Variants in MAP2 observed in about 807,000 individuals in gnomAD.
The protein encoded by MAP2 is microtubule-associated protein 2.
A neutral mutation model predicts 137.6 loss-of-function variants in MAP2; 14 were observed. The observed-to-expected ratio is 0.10, with a 90% CI of 0.07 to 0.16. The LOEUF is 0.16. Among genes scored for constraint, MAP2 ranks in the 10% least tolerant of loss-of-function variants. The pLI, the probability that MAP2 is intolerant of heterozygous loss-of-function variation, is 1.00. For missense variants in MAP2, 2,088 were observed against 2,191.5 expected, an observed-to-expected ratio of 0.95 and a Z score of 0.94; for synonymous variants, 786 against 782.3, an observed-to-expected ratio of 1.00 and a Z score of -0.08.
Position 209,535,240 on chromosome 2 carries a change from G to T in MAP2, c.-172+27599G>T, listed in dbSNP as rs555178674. Among the ~76,000 whole-genome samples, 3 of 152,288 alleles carry T rather than the reference G, an allele frequency of 2.0e-5. No individual in the cohort carries two copies. The Middle Eastern group carries it at 0.01, about 518-fold the overall frequency. ...TAACGTGTTTTCAAGATTCATCCAA[G>T]TTGTGTCATGTGCTCAATTTGTTCT... On this transcript the variant is annotated intron_variant, in intron 2 of 15. Coordinates refer to ENST00000682079, the MANE Select transcript of MAP2 (RefSeq NM_001375505.1).
intron 3 of MAP2, among the ~76,000 whole-genome samples, chr2:209,594,073 A>G (rs1019625288): frequency 6.9e-6 from 1 of 144,810 alleles, no homozygotes; most frequent in Non-Finnish European, 1.5e-5. Context: ...ACTGGAGCCC[A>G]GGAGTTCAAG....
At chr2:209,493,550 C>G (rs2059388022) in intron 1 of MAP2, among the ~76,000 whole-genome samples, 1 of 152,124 alleles carries the variant, frequency 6.6e-6, no homozygotes, top group African/African-American at 2.4e-5. Flanking sequence ...TGACAAAGGG[C>G]TAATATCCAG....
At chr2:209,495,651 T>C (rs531221844) in intron 1 of MAP2, among the ~76,000 whole-genome samples, 2 of 152,356 alleles carry the variant, frequency 1.3e-5, no homozygotes, top group South Asian at 4.1e-4. Flanking sequence ...TCAATCTTTA[T>C]AAGCTTAGTT....
At chr2:209,531,813 T>C (rs2065151814) in intron 2 of MAP2, among the ~76,000 whole-genome samples, 2 of 152,196 alleles carry the variant, frequency 1.3e-5, no homozygotes, top group Admixed American at 6.6e-5. Flanking sequence ...TTGACCAAAT[T>C]AGGGTGCTCT....
intron 3 of MAP2, among the ~76,000 whole-genome samples, chr2:209,594,178 G>A (rs2080586811): frequency 6.7e-6 from 1 of 148,804 alleles, no homozygotes; most frequent in African/African-American, 2.5e-5. Flanking sequence ...AGGGAGTATG[G>A]AGCAACAGCT....
chr2:209,580,870 C>A (rs1253462937), intron 3 of MAP2, among the ~76,000 whole-genome samples: 1 of 152,068 alleles, frequency 6.6e-6, no homozygotes, highest in Non-Finnish European at 1.5e-5. Context: ...AACTTTAATA[C>A]CTGTTAATAT....
chr2:209,495,616 TAACA>T (rs1338414349), intron 1 of MAP2, among the ~76,000 whole-genome samples: 1 of 152,208 alleles, frequency 6.6e-6, no homozygotes, highest in Non-Finnish European at 1.5e-5. Context: ...GAAGGAAAAC[TAACA>T]AACAGAAAGG....
At chr2:209,604,047 T>C (rs937723662) in intron 3 of MAP2, among the ~76,000 whole-genome samples, 3 of 152,168 alleles carry the variant, frequency 2.0e-5, no homozygotes, top group Non-Finnish European at 4.4e-5. Context: ...TTTTGCATCC[T>C]GTGTGTATTC....
intron 4 of MAP2, among the ~76,000 whole-genome samples, chr2:209,644,371 A>G (rs895786093): frequency 6.6e-6 from 1 of 152,024 alleles, no homozygotes; most frequent in Non-Finnish European, 1.5e-5. Context: ...ACTTGGTGTT[A>G]TTTTTCATAT....
intron 2 of MAP2, among the ~76,000 whole-genome samples, chr2:209,520,393 A>G (rs2063109883): frequency 1.3e-5 from 2 of 152,032 alleles, no homozygotes; most frequent in Non-Finnish European, 2.9e-5. Context: ...AACAGCATAA[A>G]ATGCATATTT....
intron 4 of MAP2, among the ~76,000 whole-genome samples, chr2:209,649,647 C>T (rs1474690990): frequency 1.3e-5 from 2 of 152,136 alleles, no homozygotes; most frequent in African/African-American, 2.4e-5. Context: ...TTGTCAGAGC[C>T]ATGCTATTTT....
At chr2:209,639,999 G>C (rs991381249) in intron 4 of MAP2, among the ~76,000 whole-genome samples, 2 of 152,054 alleles carry the variant, frequency 1.3e-5, no homozygotes, top group African/African-American at 4.8e-5. Flanking sequence ...TTTCTAGAAA[G>C]TGTTGCCTAG....
chr2:209,709,790 A>G, intron 12 of MAP2, 124 bp from the exon 13 acceptor site: 2 of 709,700 alleles, frequency 2.8e-6, no homozygotes, highest in South Asian at 1.9e-5. Context: ...TACTATAGTG[A>G]TAACTGTTTC....
intron 2 of MAP2, among the ~76,000 whole-genome samples, chr2:209,532,961 C>G (rs2065355489): frequency 1.3e-5 from 2 of 152,110 alleles, no homozygotes; most frequent in Admixed American, 6.5e-5. Flanking sequence ...GCTCCCCTGA[C>G]AGAAGCATTC....
At chr2:209,505,002 C>A (rs1027603141) in intron 1 of MAP2, among the ~76,000 whole-genome samples, 32 of 152,138 alleles carry the variant, frequency 2.1e-4, no homozygotes, top group African/African-American at 7.2e-4. Flanking sequence ...TTCCCACTCT[C>A]CTAGCATTTT....
rs563131010 is a variant in MAP2 at position 209,499,333 on chromosome 2, G to C, written c.-221-8259G>C. 7.2e-5 allele frequency among the ~76,000 whole-genome samples: 11 copies of C among 152,230 alleles called. 1 individual carries two copies. The highest frequency in any genetic ancestry group is 2.6e-4 in the African/African-American group (11 of 41,542). On this transcript the variant is annotated intron_variant, in intron 1 of 15. Transcript: ENST00000682079. Reference sequence around the variant, plus strand: ...CCCAGTAAGTTCCTCATTTCCATCAGAGACCTCATCAGCCTGGATTTTGCT... The same window carrying C: ...CCCAGTAAGTTCCTCATTTCCATCACAGACCTCATCAGCCTGGATTTTGCT...
At chr2:209,525,399 A>C in intron 2 of MAP2, among the ~76,000 whole-genome samples, 1 of 152,184 alleles carries the variant, frequency 6.6e-6, no homozygotes, top group African/African-American at 2.4e-5. Flanking sequence ...TAATAAAAGT[A>C]AGTTGTAATG....
intron 2 of MAP2, among the ~76,000 whole-genome samples, chr2:209,548,784 T>C (rs1400765240): frequency 6.6e-6 from 1 of 152,158 alleles, no homozygotes; most frequent in East Asian, 1.9e-4. Context: ...TATAAGTGTT[T>C]GGTAGTTCCT....
chr2:209,629,564 G>A (rs1020142679), intron 4 of MAP2, among the ~76,000 whole-genome samples: 32 of 152,152 alleles, frequency 2.1e-4, no homozygotes, highest in Non-Finnish European at 3.8e-4. Context: ...ACTCCGCTCC[G>A]TGGCACTCTG....
Sources: gnomAD v4.1 joint callset for allele counts (sites outside exome capture counted in the v4.1 genomes callset) on GRCh38, gnomAD v4.1.1 for gene constraint, MANE v1.5 for transcripts, NCBI Gene and HGNC (gene_info 2026-07-23, HGNC 2026-07-21) for gene names.